Variants in RNF216 observed in about 807,000 individuals in gnomAD.
RNF216 encodes E3 ubiquitin-protein ligase RNF216.
RNF216 carries 72 observed loss-of-function variants against 110.8 expected under a neutral mutation model. The observed-to-expected ratio is 0.65, with a 90% CI of 0.54 to 0.79. The LOEUF (loss-of-function observed/expected upper bound fraction) is 0.79. Ranked by LOEUF, RNF216 falls within the 30% of genes least tolerant of loss-of-function variation. The pLI is 0.00. For missense variants in RNF216, 1,342 were observed against 1,141.2 expected (o/e 1.18, Z -2.54); for synonymous variants, 495 against 407.5 (o/e 1.21, Z -2.59).
intron 7 of RNF216, among the ~76,000 whole-genome samples, chr7:5,725,969 A>G (rs77599246): frequency 0.063 from 9,525 of 152,186 alleles, 1,012 homozygotes; most frequent in African/African-American, 0.22. Context: ...CAGATTAAAG[A>G]GTAACTAGGG....
At chr7:5,676,544 G>A (rs1329319421) in intron 13 of RNF216, among the ~76,000 whole-genome samples, 1 of 151,940 alleles carries the variant, frequency 6.6e-6, no homozygotes. Context: ...ACAGTCTCCC[G>A]TCCGTCCTGT....
At chr7:5,657,622 A>G (rs1788829509) in intron 13 of RNF216, among the ~76,000 whole-genome samples, 1 of 152,044 alleles carries the variant, frequency 6.6e-6, no homozygotes, top group African/African-American at 2.4e-5. Context: ...AGCACTCTTG[A>G]GGTAAAAGGC....
chr7:5,624,887 C>T lies in RNF216; in HGVS notation c.2383-762G>A, dbSNP rs1483737128. ...TTGCCACATGCAGCTCCCACACCCC[C>T]ACCTGCCAGCAGACACCATGGTGGG... On this transcript the variant is annotated intron_variant, in intron 15 of 16. Transcript: ENST00000389902. The surrounding 1 kb of genome is among the most constrained non-coding windows in gnomAD (Gnocchi z 4.4). 6.6e-6 allele frequency among the ~76,000 whole-genome samples: 1 copy of T among 152,230 alleles called. No individual in the cohort carries two copies. The highest frequency in any genetic ancestry group is 6.5e-5 in the Admixed American group (1 of 15,284).
At chr7:5,765,913 A>G (rs1796181450) in intron 1 of RNF216, among the ~76,000 whole-genome samples, 1 of 146,846 alleles carries the variant, frequency 6.8e-6, no homozygotes, top group Non-Finnish European at 1.5e-5. Context: ...AGATTGCACC[A>G]CTGCAGTCCA....
At chr7:5,735,162 TAA>T (rs1258099796) in intron 5 of RNF216, among the ~76,000 whole-genome samples, 1 of 151,762 alleles carries the variant, frequency 6.6e-6, no homozygotes, top group Non-Finnish European at 1.5e-5. Context: ...AATAAATAAA[TAA>T]AAAAGAGTTT....
intron 2 of RNF216, among the ~76,000 whole-genome samples, chr7:5,757,516 T>A (rs1425770925): frequency 6.6e-6 from 1 of 152,144 alleles, no homozygotes; most frequent in East Asian, 1.9e-4. Flanking sequence ...TTTCACTAGG[T>A]ACAGAATCGT....
intron 1 of RNF216, among the ~76,000 whole-genome samples, chr7:5,769,099 C>T (rs1796359046): frequency 2.0e-5 from 3 of 147,344 alleles, no homozygotes; most frequent in East Asian, 2.0e-4. Flanking sequence ...GTTTATTAGA[C>T]ACAATTTACA....
chr7:5,754,122 GTGTGT>G (rs1562463789), intron 2 of RNF216, among the ~76,000 whole-genome samples: 7 of 8,604 alleles, frequency 8.1e-4, no homozygotes, highest in African/African-American at 2.5e-3. Flanking sequence ...TTTGTGTGGT[GTGTGT>G]GTGTGTGTGT....
At position 5,715,082 on chromosome 7, in the gene RNF216, C is replaced by A; in HGVS notation, c.1804G>T (p.Ala602Ser). Residue 602 changes from alanine to serine, a missense_variant, in exon 11 of 17, where the codon GCC (alanine) becomes TCC (serine). Ala to Ser is a moderately conservative substitution (Grantham distance 99). Transcript: ENST00000389902. ...LFCKECLIRY[A>S]QEAVFGSGKL... ...CCAGATCCAAAGACTGCCTCTTGGGCATATCTGATGAGACACTCTTTGCAG... is the reference window on the plus strand; with the variant it reads ...CCAGATCCAAAGACTGCCTCTTGGGAATATCTGATGAGACACTCTTTGCAG... The A allele has an allele frequency of 6.2e-7, 1 of 1,613,732 alleles. No homozygotes were observed. The highest frequency in any genetic ancestry group is 8.5e-7 in the Non-Finnish European group (1 of 1,179,932).
chr7:5,730,747 T>C lies in RNF216; in HGVS notation c.1192A>G (p.Ser398Gly). The change falls in exon 6 of 17, where the codon AGC becomes GGC. Residue 398 changes from serine to glycine, a missense_variant. Ser to Gly is a moderately conservative substitution (Grantham distance 56). Coordinates refer to ENST00000389902, the MANE Select transcript of RNF216 (RefSeq NM_207111.4). ...REDRIIINPS[S>G]SLLASQDETK... Reference sequence around the variant, plus strand: ...TCATCTTGGCTGGCCAGCAGACTGCTACTGGGATTTATAATGATTCTGTCT... The same window carrying C: ...TCATCTTGGCTGGCCAGCAGACTGCCACTGGGATTTATAATGATTCTGTCT... The C allele has an allele frequency of 6.2e-7, 1 of 1,610,942 alleles. No individual in the cohort carries two copies. The highest frequency in any genetic ancestry group is 1.3e-5 in the African/African-American group (1 of 74,512).
At chr7:5,644,398 T>TTATA (rs1787925883) in intron 14 of RNF216, among the ~76,000 whole-genome samples, 1 of 152,182 alleles carries the variant, frequency 6.6e-6, no homozygotes, top group Non-Finnish European at 1.5e-5. Flanking sequence ...CGGTATCTTA[T>TTATA]TATAGTTCTG....
At chr7:5,740,062 C>T (rs1361464655) in intron 4 of RNF216, among the ~76,000 whole-genome samples, 7 of 148,492 alleles carry the variant, frequency 4.7e-5, no homozygotes, top group Admixed American at 1.3e-4. Context: ...GTAGGGTTAA[C>T]GGACTTGTTT....
chr7:5,745,756 C>T (rs1057029824), intron 3 of RNF216, among the ~76,000 whole-genome samples: 6 of 151,622 alleles, frequency 4.0e-5, no homozygotes, highest in Non-Finnish European at 8.8e-5. Flanking sequence ...AAAAATCAGC[C>T]GGGTGTGGTG....
intron 15 of RNF216, among the ~76,000 whole-genome samples, chr7:5,627,236 T>C (rs912125286): frequency 1.3e-5 from 2 of 152,280 alleles, no homozygotes; most frequent in East Asian, 3.9e-4. Context: ...GGCCACTCAA[T>C]GGTCCTCCTG....
chr7:5,713,753 C>T (rs1379611632), intron 11 of RNF216, among the ~76,000 whole-genome samples: 4 of 152,138 alleles, frequency 2.6e-5, no homozygotes, highest in South Asian at 4.1e-4. Context: ...TGGAAAAAGA[C>T]GACATTTTAA....
chr7:5,660,954 T>TTTTG (rs1789092744), intron 13 of RNF216, among the ~76,000 whole-genome samples: 2 of 145,924 alleles, frequency 1.4e-5, no homozygotes, highest in African/African-American at 2.6e-5. Context: ...TTTTTTTTTT[T>TTTTG]TTTTTTTTTT....
Position 5,633,697 on chromosome 7 carries a change from G to A in RNF216, c.2382+7457C>T, listed in dbSNP as rs373054401. ...CTCAGCAGGGCGCAGAAAGAACTCA[G>A]CCTGACACAGAAGACTCTGGCTTGC... is the stretch of plus-strand genomic sequence containing the variant. On this transcript the variant is annotated intron_variant, in intron 15 of 16. Transcript: ENST00000389902. 2.5e-4 allele frequency among the ~76,000 whole-genome samples: 38 copies of A among 152,342 alleles called. No individual in the cohort carries two copies. In the South Asian group the frequency reaches 7.7e-3, roughly 31 times the overall value.
At chr7:5,734,973 A>T (rs2128646908) in intron 5 of RNF216, among the ~76,000 whole-genome samples, 1 of 152,090 alleles carries the variant, frequency 6.6e-6, no homozygotes, top group East Asian at 1.9e-4. Context: ...CAACATGGTG[A>T]AACCCTATCT....
At position 5,622,940 on chromosome 7, in the gene RNF216, A is replaced by G. The variant is rs751061451; in HGVS notation, c.2692T>C (p.Tyr898His). 8 of 1,613,928 alleles carry G rather than the reference A, an allele frequency of 5.0e-6. No homozygotes were observed. Among genetic ancestry groups the G allele is most frequent in the Non-Finnish European group, 5.9e-6 (7 of 1,179,978 alleles). The change falls in exon 17 of 17, where the codon TAT becomes CAT. Residue 898 changes from tyrosine to histidine, a missense_variant. Tyr to His is a moderately conservative substitution (Grantham distance 83, BLOSUM62 2). Transcript: ENST00000389902. ...VPPLPNVRVN[Y>H]DFGPIHMPLE... is the part of the protein sequence containing the mutation. ...GGCATGTGGATGGGACCGAAGTCAT[A>G]GTTGACCCGCACGTTGGGCAGAGGG...
Sources: allele counts gnomAD v4.1 joint callset (sites outside exome capture counted in the v4.1 genomes callset), GRCh38; gene constraint gnomAD v4.1.1; non-coding constraint Gnocchi (gnomAD v3.1); transcripts MANE v1.5; gene names NCBI Gene and HGNC (gene_info 2026-07-23, HGNC 2026-07-21).